Variants in ENTHD1 observed in about 807,000 individuals in gnomAD.
ENTHD1 encodes ENTH domain-containing protein 1.
In ENTHD1, 23 loss-of-function variants were observed where a neutral mutation model predicts 39.1. The observed-to-expected ratio is 0.59, with a 90% CI of 0.42 to 0.83. The LOEUF (loss-of-function observed/expected upper bound fraction) is 0.83. ENTHD1 is among the 40% of genes least tolerant of loss of function. The pLI is 0.00. For synonymous variants in ENTHD1, 230 were observed against 258.2 expected (o/e 0.89, Z 1.05); for missense variants, 624 against 705.4 (o/e 0.88, Z 1.31).
In ENTHD1 at chr22:39,887,578, C is replaced by T. The variant is rs867305374; in HGVS notation, c.171G>A (p.Leu57=). 9.9e-6 allele frequency: 16 copies of T among 1,614,178 alleles called. No individual in the cohort carries two copies. The highest frequency in any genetic ancestry group is 1.4e-5 in the Non-Finnish European group (16 of 1,180,026). ...TCCCATGGTCATTGAGTCTGTGCCA[C>T]AGCATATTCATAATCTCTGAGAGAG... ...TISLSEIMNM[L]WHRLNDHGKN... The change falls in exon 2 of 7, where the codon CTG becomes CTA. Residue 57 remains leucine (L), a synonymous_variant. Transcript: ENST00000325157.
chr22:39,756,471 AT>A (rs2146542237), intron 6 of ENTHD1, among the ~76,000 whole-genome samples: 1 of 152,082 alleles, frequency 6.6e-6, no homozygotes, highest in African/African-American at 2.4e-5. Context: ...AGTAGCTGGG[AT>A]TACAGGCATG....
At chr22:39,863,251 G>A (rs899532024) in intron 2 of ENTHD1, among the ~76,000 whole-genome samples, 1 of 152,198 alleles carries the variant, frequency 6.6e-6, no homozygotes, top group Non-Finnish European at 1.5e-5. Flanking sequence ...GGCATACTCA[G>A]AATATTGTTA....
At chr22:39,772,684 A>G (rs1449357862) in intron 5 of ENTHD1, among the ~76,000 whole-genome samples, 3 of 152,180 alleles carry the variant, frequency 2.0e-5, no homozygotes, top group African/African-American at 7.2e-5. Flanking sequence ...ATTAACAGGC[A>G]CAAATTTTCA....
At position 39,887,668 on chromosome 22, in the gene ENTHD1, G is replaced by A. The variant is rs146928757; in HGVS notation, c.81C>T (p.Asn27=). 4.3e-4 allele frequency: 685 copies of A among 1,604,572 alleles called. No homozygotes were observed. The highest frequency in any genetic ancestry group is 5.5e-4 in the Non-Finnish European group (646 of 1,177,080). ...GAGAACTAGAGGGACCCCAAGGGTC[G>A]TTAGAAGTTGCTTCCCTGACTTTTA... ...AEIKVREATS[N]DPWGPSSSLM... The change falls in exon 2 of 7, where the codon AAC becomes AAT. Residue 27 remains asparagine (N), a synonymous_variant. Transcript: ENST00000325157.
intron 6 of ENTHD1, 123 bp downstream of exon 6, chr22:39,765,100 A>T: frequency 2.9e-6 from 4 of 1,396,566 alleles, no homozygotes; most frequent in Non-Finnish European, 3.8e-6. Flanking sequence ...TCAATGATGA[A>T]GAGTGAAAGG....
chr22:39,748,359 T>A (rs1454521315), intron 6 of ENTHD1, among the ~76,000 whole-genome samples: 1 of 151,648 alleles, frequency 6.6e-6, no homozygotes, highest in East Asian at 1.9e-4. Flanking sequence ...AATAACTTAA[T>A]AAGAAACATT....
chr22:39,888,136 G>A (rs2066397313), intron 1 of ENTHD1, among the ~76,000 whole-genome samples: 1 of 151,832 alleles, frequency 6.6e-6, no homozygotes, highest in African/African-American at 2.4e-5. Context: ...AAAGTTCCTG[G>A]AGAAAATATC....
intron 1 of ENTHD1, among the ~76,000 whole-genome samples, chr22:39,892,637 G>A (rs896300084): frequency 6.6e-6 from 1 of 152,262 alleles, no homozygotes; most frequent in African/African-American, 2.4e-5. Context: ...ATAAGGAACA[G>A]AGGAGCTGAA....
At chr22:39,773,402 A>G (rs1360275775) in intron 5 of ENTHD1, among the ~76,000 whole-genome samples, 1 of 152,220 alleles carries the variant, frequency 6.6e-6, no homozygotes, top group East Asian at 1.9e-4. Flanking sequence ...CCAAGTCTCA[A>G]TAAGCTTTAA....
At chr22:39,878,341 T>G in intron 2 of ENTHD1, among the ~76,000 whole-genome samples, 1 of 152,102 alleles carries the variant, frequency 6.6e-6, no homozygotes, top group Non-Finnish European at 1.5e-5. Context: ...AGGTGTAACA[T>G]ATGTGTAATG....
chr22:39,832,128 G>A (rs762715955), intron 4 of ENTHD1, among the ~76,000 whole-genome samples: 6 of 152,140 alleles, frequency 3.9e-5, no homozygotes, highest in Admixed American at 1.3e-4. Context: ...GACTAGCCTC[G>A]GCAATATAGT....
intron 5 of ENTHD1, among the ~76,000 whole-genome samples, chr22:39,771,352 A>G (rs1371147620): frequency 2.6e-5 from 4 of 152,152 alleles, no homozygotes; most frequent in Non-Finnish European, 4.4e-5. Context: ...GCTACCCTGA[A>G]TCCAGCCAGC....
chr22:39,838,604 G>A (rs894093466), intron 3 of ENTHD1, among the ~76,000 whole-genome samples: 1 of 152,124 alleles, frequency 6.6e-6, no homozygotes, highest in Non-Finnish European at 1.5e-5. Flanking sequence ...GTGGGCAAAC[G>A]AGCAGTTCCA....
At chr22:39,859,616 C>T (rs2066123434) in intron 3 of ENTHD1, among the ~76,000 whole-genome samples, 1 of 152,124 alleles carries the variant, frequency 6.6e-6, no homozygotes, top group African/African-American at 2.4e-5. Context: ...GCAGTCAGAA[C>T]ACACATGACA....
At chr22:39,796,540 A>T (rs1278604677) in intron 5 of ENTHD1, among the ~76,000 whole-genome samples, 2 of 152,102 alleles carry the variant, frequency 1.3e-5, no homozygotes, top group African/African-American at 4.8e-5. Context: ...AAAGTGCTGA[A>T]TTACAGGTGA....
intron 5 of ENTHD1, among the ~76,000 whole-genome samples, chr22:39,794,529 G>A (rs994008806): frequency 2.6e-5 from 4 of 151,910 alleles, no homozygotes; most frequent in South Asian, 2.1e-4. Flanking sequence ...TTGGCCGGGC[G>A]CAGTGGCTCA....
At chr22:39,783,807 A>G (rs1351131481) in intron 5 of ENTHD1, among the ~76,000 whole-genome samples, 1 of 152,204 alleles carries the variant, frequency 6.6e-6, no homozygotes, top group African/African-American at 2.4e-5. Context: ...TGAAGAAAAC[A>G]TTGGGGAAAC....
intron 3 of ENTHD1, among the ~76,000 whole-genome samples, chr22:39,838,794 A>C (rs2065924036): frequency 6.6e-6 from 1 of 152,188 alleles, no homozygotes. Context: ...TTTCAATTTT[A>C]TATCTATTTG....
intron 2 of ENTHD1, among the ~76,000 whole-genome samples, chr22:39,872,753 G>T (rs1489438853): frequency 6.6e-6 from 1 of 152,058 alleles, no homozygotes; most frequent in African/African-American, 2.4e-5. Context: ...TAGTATAAAT[G>T]TGAAGCACCT....
Sources: gnomAD v4.1 joint callset for allele counts (sites outside exome capture counted in the v4.1 genomes callset) on GRCh38, gnomAD v4.1.1 for gene constraint, MANE v1.5 for transcripts, NCBI Gene and HGNC (gene_info 2026-07-23, HGNC 2026-07-21) for gene names.